YBEY: variants seen among roughly 807,000 people sequenced by gnomAD.
YBEY encodes the protein endoribonuclease YbeY.
A neutral mutation model predicts 13.5 loss-of-function variants in YBEY; 15 were observed. The observed-to-expected ratio is 1.11, with a 90% CI of 0.75 to 1.72. The LOEUF (loss-of-function observed/expected upper bound fraction) is 1.72. YBEY is among the 40% of genes most tolerant of loss of function. The pLI is 0.00. For missense variants in YBEY, 244 were observed against 208.4 expected, an observed-to-expected ratio of 1.17 and a Z score of -1.05; for synonymous variants, 101 against 83.1, an observed-to-expected ratio of 1.21 and a Z score of -1.17.
downstream of YBEY, among the ~76,000 whole-genome samples, chr21:46,298,260 C>G (rs1394247036): frequency 6.6e-6 from 1 of 152,014 alleles, no homozygotes; most frequent in East Asian, 1.9e-4. Flanking sequence ...CACTGACTTG[C>G]GTCCTGTCTT....
the YBEY span, among the ~76,000 whole-genome samples, chr21:46,311,910 T>TCCAC: frequency 8.0e-6 from 1 of 125,298 alleles, no homozygotes; most frequent in East Asian, 2.6e-4. Flanking sequence ...CAACCATTCA[T>TCCAC]CCACCCACCC....
At chr21:46,301,225 T>G (rs1427105966), downstream of YBEY, 2 of 370,274 alleles carry the variant, frequency 5.4e-6, no homozygotes, top group Admixed American at 6.4e-5. Flanking sequence ...CACTGCAGCT[T>G]CTAACTCCTG....
chr21:46,311,519 G>A, the YBEY span: 4 of 1,612,706 alleles, frequency 2.5e-6, no homozygotes, highest in Non-Finnish European at 3.4e-6. Flanking sequence ...TGTGCTATGA[G>A]TGGCTGCTGA....
At chr21:46,304,795 T>C in the YBEY span, among the ~76,000 whole-genome samples, 1 of 152,204 alleles carries the variant, frequency 6.6e-6, no homozygotes, top group Non-Finnish European at 1.5e-5. Context: ...GCCTGGAATC[T>C]TGAGCGGGGA....
At chr21:46,306,499 G>A in the YBEY span, among the ~76,000 whole-genome samples, 209 of 149,410 alleles carry the variant, frequency 1.4e-3, no homozygotes, top group African/African-American at 5.0e-3. Context: ...CTCCCATCTC[G>A]AAAAAAAAAA....
chr21:46,291,295 G>A (rs775720893), intron 2 of YBEY, 39 bp from the exon 3 acceptor site: 5 of 1,610,674 alleles, frequency 3.1e-6, no homozygotes, highest in African/African-American at 2.7e-5. Context: ...GTTGGGTTAC[G>A]TTTCCTGTTC....
chr21:46,312,085 A>G, the YBEY span, among the ~76,000 whole-genome samples: 1 of 151,482 alleles, frequency 6.6e-6, no homozygotes, highest in Non-Finnish European at 1.5e-5. Flanking sequence ...CCACCCACCC[A>G]TCCATCCAAC....
the YBEY span, among the ~76,000 whole-genome samples, chr21:46,308,563 G>C: frequency 6.6e-6 from 1 of 152,308 alleles, no homozygotes; most frequent in Middle Eastern, 3.4e-3. Context: ...AGGCAGGAAT[G>C]TCCACGACAG....
downstream of YBEY, chr21:46,300,876 AC>A: frequency 9.2e-7 from 1 of 1,088,466 alleles, no homozygotes; most frequent in Non-Finnish European, 1.2e-6. Flanking sequence ...ACATAATTGC[AC>A]CCAAAAAAAA....
chr21:46,294,758 CAAAAAAA>C lies in YBEY; in HGVS notation c.340-1392_340-1386del, dbSNP rs200581418. Among the ~76,000 whole-genome samples, 6 of 97,136 alleles carry C rather than the reference CAAAAAAA, an allele frequency of 6.2e-5. 1 individual carries two copies. The highest frequency in any genetic ancestry group is 1.4e-4 in the Non-Finnish European group (6 of 42,976). The allele number at this position is 97,136 out of a possible 152,430, so 63.7% of individuals were successfully genotyped here. A position where few individuals can be genotyped will look rare whatever the true frequency, so the allele number is the denominator to read the frequency against. ...ACAGGTGGTTTCAGCAGCTTGATGCCAAAAAAAAAAAAAAAAAAGGAAAAGCATTCTG... is the reference window on the plus strand; with the variant it reads ...ACAGGTGGTTTCAGCAGCTTGATGCCAAAAAAAAAAAGGAAAAGCATTCTG... On this transcript the variant is annotated intron_variant, in intron 3 of 4. Coordinates refer to ENST00000397701, the MANE Select transcript of YBEY (RefSeq NM_001314025.2).
At chr21:46,297,436 C>G (rs2839206) in intron 4 of YBEY, 103 bp from the exon 5 acceptor site, 786,152 of 1,160,280 alleles carry the variant, frequency 0.68, 271,118 homozygotes, top group Non-Finnish European at 0.71. Context: ...GGGCGGCCGG[C>G]TTCCCCCAAA....
chr21:46,300,593 T>A, downstream of YBEY: 1 of 1,133,718 alleles, frequency 8.8e-7, no homozygotes, highest in South Asian at 1.8e-5. Flanking sequence ...GAGAAGTGAG[T>A]GTTACTGCCA....
intron 1 of YBEY, chr21:46,286,641 T>C (rs1399915052): frequency 5.1e-6 from 1 of 197,948 alleles, no homozygotes; most frequent in Admixed American, 6.3e-5. Flanking sequence ...CCCCCTTTTC[T>C]CTGGGAACCG....
the YBEY span, among the ~76,000 whole-genome samples, chr21:46,303,745 A>ATATAT: frequency 2.1e-4 from 5 of 23,818 alleles, no homozygotes; most frequent in African/African-American, 3.3e-4. Context: ...ATATATATAT[A>ATATAT]TTTTTTTTTT....
At chr21:46,299,256 C>CT (rs2082050130), downstream of YBEY, among the ~76,000 whole-genome samples, 1 of 152,180 alleles carries the variant, frequency 6.6e-6, no homozygotes, top group Non-Finnish European at 1.5e-5. Flanking sequence ...GTGTGAGCCG[C>CT]TGTGCCTGGC....
At chr21:46,286,840 G>A (rs1209062045) in intron 1 of YBEY, 30 bp from the exon 2 acceptor site, 11 of 1,386,466 alleles carry the variant, frequency 7.9e-6, no homozygotes, top group East Asian at 2.3e-5. Flanking sequence ...CACTTGTACT[G>A]ATTGGTCTTC....
chr21:46,286,654 C>G (rs1054230701), intron 1 of YBEY: 1 of 284,038 alleles, frequency 3.5e-6, no homozygotes, highest in Non-Finnish European at 6.5e-6. Context: ...GGGAACCGCT[C>G]CTTCCGCTCC....
downstream of YBEY, among the ~76,000 whole-genome samples, chr21:46,299,271 A>G (rs1341034701): frequency 6.6e-6 from 1 of 151,932 alleles, no homozygotes; most frequent in Non-Finnish European, 1.5e-5. Context: ...CCTGGCCCCA[A>G]CCCTTTGTTT....
At chr21:46,290,550 G>C (rs531982543) in intron 2 of YBEY, among the ~76,000 whole-genome samples, 1 of 151,996 alleles carries the variant, frequency 6.6e-6, no homozygotes, top group Non-Finnish European at 1.5e-5. Flanking sequence ...ACTTGTGTAC[G>C]GTTGGCTGGG....
Sources: allele counts gnomAD v4.1 joint callset (sites outside exome capture counted in the v4.1 genomes callset), GRCh38; gene constraint gnomAD v4.1.1; transcripts MANE v1.5; gene names NCBI Gene and HGNC (gene_info 2026-07-23, HGNC 2026-07-21).